RAB38: variants seen among roughly 807,000 people sequenced by gnomAD.
RAB38 encodes the protein RAB38, member RAS oncogene family, also known as ras-related protein Rab-38.
RAB38 carries 15 observed loss-of-function variants against 18.4 expected under a neutral mutation model. That is an observed-to-expected ratio of 0.82 (90% confidence interval 0.55 to 1.26). The LOEUF is 1.26. Ranked by LOEUF, RAB38 falls within the 50% of genes most tolerant of loss-of-function variation. The pLI is 0.00. For synonymous variants in RAB38, 101 were observed against 104.4 expected (o/e 0.97, Z 0.20); for missense variants, 294 against 267.4 (o/e 1.10, Z -0.69).
chr11:87,857,431 A>C, the RAB38 span, among the ~76,000 whole-genome samples: 5 of 152,312 alleles, frequency 3.3e-5, no homozygotes, highest in East Asian at 9.6e-4. Flanking sequence ...TCCCTGAGGA[A>C]TCGCCACACT....
intron 2 of RAB38, among the ~76,000 whole-genome samples, chr11:88,137,143 G>A (rs1942846118): frequency 6.6e-6 from 1 of 152,210 alleles, no homozygotes; most frequent in African/African-American, 2.4e-5. Flanking sequence ...GTAGTCCCCA[G>A]TGAAAACCAA....
At chr11:88,154,319 C>T (rs1238242951) in intron 1 of RAB38, among the ~76,000 whole-genome samples, 1 of 152,204 alleles carries the variant, frequency 6.6e-6, no homozygotes, top group Non-Finnish European at 1.5e-5. Context: ...TCTAGAGCTG[C>T]ATAGGAGCCT....
rs185346249 is a variant in RAB38 at position 88,124,495 on chromosome 11, T to C, written c.484-10355A>G. Among the ~76,000 whole-genome samples the C allele has an allele frequency of 1.6e-3, 242 of 152,268 alleles. 1 individual carries two copies. Among genetic ancestry groups the C allele is most frequent in the African/African-American group, 5.6e-3 (232 of 41,538 alleles). On this transcript the variant is annotated intron_variant, in intron 2 of 2. Coordinates refer to ENST00000243662, the MANE Select transcript of RAB38 (RefSeq NM_022337.3). ...AACAGACACTTCTCAAAAGAAGACA[T>C]TTATGCAGCCAAAAGACACATGAAA...
intron 2 of RAB38, among the ~76,000 whole-genome samples, chr11:88,132,713 C>T (rs1267576283): frequency 6.6e-6 from 1 of 152,150 alleles, no homozygotes; most frequent in Non-Finnish European, 1.5e-5. Flanking sequence ...CCTGCCTTGG[C>T]CTCCCAAAGT....
chr11:87,969,923 G>A, the RAB38 span, among the ~76,000 whole-genome samples: 29 of 152,086 alleles, frequency 1.9e-4, no homozygotes, highest in South Asian at 2.1e-4. Context: ...TTGAGGAGAG[G>A]TAGGGTTCAG....
the RAB38 span, among the ~76,000 whole-genome samples, chr11:88,047,398 G>A: frequency 3.3e-5 from 5 of 151,938 alleles, no homozygotes; most frequent in East Asian, 3.9e-4. Flanking sequence ...AGGCCTAATC[G>A]CCACTCACCA....
chr11:88,148,136 G>A (rs1048736822), intron 2 of RAB38, among the ~76,000 whole-genome samples: 5 of 151,898 alleles, frequency 3.3e-5, no homozygotes, highest in Admixed American at 6.6e-5. Flanking sequence ...GAATGAAAGG[G>A]AAAAGCACAC....
chr11:88,153,021 G>A (rs1330871073), intron 1 of RAB38, among the ~76,000 whole-genome samples: 2 of 152,222 alleles, frequency 1.3e-5, no homozygotes, highest in East Asian at 1.9e-4. Flanking sequence ...TATGAAGGGT[G>A]TTAAATAGGA....
the RAB38 span, among the ~76,000 whole-genome samples, chr11:87,847,026 G>T: frequency 6.6e-6 from 1 of 151,748 alleles, no homozygotes; most frequent in African/African-American, 2.4e-5. Context: ...TAAAGCACAG[G>T]TAAGTAGAAA....
chr11:88,093,505 C>T, the RAB38 span, among the ~76,000 whole-genome samples: 2 of 151,794 alleles, frequency 1.3e-5, no homozygotes, highest in Admixed American at 1.3e-4. Context: ...AAATTAATAT[C>T]TTCTCCAATT....
rs912497891 is a variant in RAB38 at position 88,113,582 on chromosome 11, G to T, written c.*406C>A. ...TTAATAGGCCTGTCAGGCCATCAGA[G>T]AATATACTGAAATCTGGAAAAAGAC... On this transcript the variant is annotated 3_prime_UTR_variant, in exon 3 of 3. Coordinates refer to ENST00000243662, the MANE Select transcript of RAB38 (RefSeq NM_022337.3). 1 of 180,410 alleles carries T rather than the reference G, an allele frequency of 5.5e-6. No individual in the cohort carries two copies. Among genetic ancestry groups the T allele is most frequent in the Non-Finnish European group, 1.2e-5 (1 of 82,740 alleles). The allele number at this position is 180,410 out of a possible 1,614,324, so 11.2% of individuals were successfully genotyped here. A position where few individuals can be genotyped will look rare whatever the true frequency, so the allele number is the denominator to read the frequency against.
chr11:88,117,227 T>G (rs2134772721), intron 2 of RAB38, among the ~76,000 whole-genome samples: 1 of 152,334 alleles, frequency 6.6e-6, no homozygotes. Flanking sequence ...AGATTTCCAC[T>G]AAGTACTAGG....
At chr11:88,099,106 CTGTT>C in the RAB38 span, among the ~76,000 whole-genome samples, 4 of 151,708 alleles carry the variant, frequency 2.6e-5, no homozygotes, top group East Asian at 1.9e-4. Flanking sequence ...TTAATCATTT[CTGTT>C]TGTTTTAAAA....
At chr11:87,911,534 CTTTA>C in the RAB38 span, among the ~76,000 whole-genome samples, 7 of 151,838 alleles carry the variant, frequency 4.6e-5, no homozygotes, top group African/African-American at 9.7e-5. Flanking sequence ...GGTTCTGATT[CTTTA>C]TTTAATTTCA....
At chr11:88,110,686 G>A (rs1400990380), downstream of RAB38, among the ~76,000 whole-genome samples, 3 of 151,664 alleles carry the variant, frequency 2.0e-5, no homozygotes, top group Non-Finnish European at 2.9e-5. Context: ...GTGTGCTGGC[G>A]CATGCCTGTA....
At chr11:87,962,548 T>C in the RAB38 span, among the ~76,000 whole-genome samples, 8 of 152,054 alleles carry the variant, frequency 5.3e-5, no homozygotes, top group Non-Finnish European at 7.4e-5. Context: ...GATATGAAGA[T>C]GGAAGTTTGC....
chr11:88,056,774 A>C, the RAB38 span, among the ~76,000 whole-genome samples: 1 of 152,150 alleles, frequency 6.6e-6, no homozygotes, highest in Non-Finnish European at 1.5e-5. Flanking sequence ...ACTGCACTCC[A>C]GCCTAGACAA....
chr11:88,016,258 G>C, the RAB38 span, among the ~76,000 whole-genome samples: 1 of 152,050 alleles, frequency 6.6e-6, no homozygotes, highest in Non-Finnish European at 1.5e-5. Flanking sequence ...GTCCACCCTT[G>C]CAATGATTAC....
the RAB38 span, among the ~76,000 whole-genome samples, chr11:87,866,090 C>T: frequency 3.3e-5 from 5 of 151,652 alleles, no homozygotes; most frequent in Admixed American, 1.3e-4. Context: ...CCAGATTGAT[C>T]TTCCTCTAGA....
Sources: gnomAD v4.1 joint callset for allele counts (sites outside exome capture counted in the v4.1 genomes callset) on GRCh38, gnomAD v4.1.1 for gene constraint, MANE v1.5 for transcripts, NCBI Gene and HGNC (gene_info 2026-07-23, HGNC 2026-07-21) for gene names.